ANKH: variants seen among roughly 807,000 people sequenced by gnomAD.
The protein encoded by ANKH is ANKH inorganic pyrophosphate transport regulator.
A neutral mutation model predicts 49.0 loss-of-function variants in ANKH; 15 were observed. The observed-to-expected ratio is 0.31, with a 90% CI of 0.20 to 0.47. The LOEUF (loss-of-function observed/expected upper bound fraction) is 0.47, where lower values mean the gene tolerates loss of function less well. ANKH is among the 20% of genes least tolerant of loss of function. The probability of loss-of-function intolerance (pLI) is 1.00; values close to 1 mark genes in which losing one functional copy is unlikely to be tolerated. For missense variants in ANKH, 429 were observed against 652.0 expected, an observed-to-expected ratio of 0.66 and a Z score of 3.72; for synonymous variants, 273 against 260.0, an observed-to-expected ratio of 1.05 and a Z score of -0.48.
At chr5:14,844,599 A>T (rs919239932) in intron 1 of ANKH, among the ~76,000 whole-genome samples, 17 of 152,224 alleles carry the variant, frequency 1.1e-4, no homozygotes, top group Non-Finnish European at 2.5e-4. Flanking sequence ...GCGGTCAGGG[A>T]GAACCTTCTA....
chr5:14,737,639 T>C lies in ANKH; in HGVS notation c.1011+4188A>G, dbSNP rs918898656. The stretch of plus-strand genomic sequence containing the variant: ...GGCGAGGCTGCGACGCAGTCTCCTT[T>C]GCGTGGCTGCAACCCTGCACGCTTC... On this transcript the variant is annotated intron_variant, in intron 8 of 11. Coordinates refer to ENST00000284268, the MANE Select transcript of ANKH (RefSeq NM_054027.6). The surrounding 1 kb of genome is among the most constrained non-coding windows in gnomAD (Gnocchi z 5.0). Among the ~76,000 whole-genome samples, 3 of 152,376 alleles carry C rather than the reference T, an allele frequency of 2.0e-5. No homozygotes were observed. Among genetic ancestry groups the C allele is most frequent in the South Asian group, 4.1e-4 (2 of 4,832 alleles).
intron 11 of ANKH, among the ~76,000 whole-genome samples, chr5:14,712,526 C>CT (rs2126400034): frequency 6.6e-6 from 1 of 152,376 alleles, no homozygotes; most frequent in East Asian, 1.9e-4. Context: ...TCACTGTCCC[C>CT]TCTCCCATCG....
At chr5:14,722,705 G>A (rs190099094) in intron 8 of ANKH, among the ~76,000 whole-genome samples, 1 of 152,120 alleles carries the variant, frequency 6.6e-6, no homozygotes, top group Non-Finnish European at 1.5e-5. Flanking sequence ...TGGCAGAGAA[G>A]GGACAAATGT....
intron 1 of ANKH, among the ~76,000 whole-genome samples, chr5:14,811,097 A>T (rs1172917844): frequency 6.6e-6 from 1 of 152,172 alleles, no homozygotes; most frequent in African/African-American, 2.4e-5. Context: ...CAGCCTCCTC[A>T]CTAAGTTAAC....
intron 1 of ANKH, among the ~76,000 whole-genome samples, chr5:14,779,026 C>T (rs891424984): frequency 1.1e-4 from 17 of 152,326 alleles, no homozygotes; most frequent in African/African-American, 3.8e-4. Flanking sequence ...AACCTCACCT[C>T]TTATCCATCT....
At chr5:14,816,563 G>A (rs111578110) in intron 1 of ANKH, among the ~76,000 whole-genome samples, 2 of 152,234 alleles carry the variant, frequency 1.3e-5, no homozygotes, top group Non-Finnish European at 2.9e-5. Flanking sequence ...TAAAAGCGAC[G>A]TAAAAGCCTC....
At chr5:14,789,618 ATTGT>A (rs747659614) in intron 1 of ANKH, among the ~76,000 whole-genome samples, 2 of 152,196 alleles carry the variant, frequency 1.3e-5, no homozygotes, top group African/African-American at 2.4e-5. Context: ...ATCTCCTAAA[ATTGT>A]TTGTTAACTT....
chr5:14,759,457 A>G (rs914226684), intron 2 of ANKH, among the ~76,000 whole-genome samples: 2 of 152,184 alleles, frequency 1.3e-5, no homozygotes, highest in East Asian at 1.9e-4. Flanking sequence ...TAGATTATAT[A>G]TAAAAATAAC....
chr5:14,723,842 C>A (rs970380022), intron 8 of ANKH, among the ~76,000 whole-genome samples: 2 of 152,174 alleles, frequency 1.3e-5, no homozygotes, highest in Non-Finnish European at 2.9e-5. Flanking sequence ...TCTGCATGAT[C>A]AAGGGGTAGA....
intron 8 of ANKH, among the ~76,000 whole-genome samples, chr5:14,731,268 C>G (rs1419206290): frequency 6.6e-6 from 1 of 152,042 alleles, no homozygotes; most frequent in African/African-American, 2.4e-5. Context: ...CTGGTGCACA[C>G]AAGTGTCATG....
At chr5:14,798,205 G>C (rs1263730328) in intron 1 of ANKH, 7 of 1,592,030 alleles carry the variant, frequency 4.4e-6, no homozygotes, top group Non-Finnish European at 4.3e-6. Context: ...CCCAGGACAA[G>C]TCGATGAAGG....
At chr5:14,851,479 C>T (rs1365336463) in intron 1 of ANKH, among the ~76,000 whole-genome samples, 1 of 152,214 alleles carries the variant, frequency 6.6e-6, no homozygotes, top group Non-Finnish European at 1.5e-5. Context: ...GATTGTGGAA[C>T]TATTGCATTT....
intron 11 of ANKH, 131 bp from the exon 12 acceptor site, chr5:14,711,441 G>A (rs1737200443): frequency 4.0e-6 from 3 of 756,070 alleles, no homozygotes; most frequent in Non-Finnish European, 6.9e-6. Context: ...TATGGTTGGG[G>A]TGGCGTCACC....
chr5:14,736,006 CTTTTTTTTTTTTTTTTTTT>C (rs540010631), intron 8 of ANKH, among the ~76,000 whole-genome samples: 3 of 83,664 alleles, frequency 3.6e-5, no homozygotes, highest in African/African-American at 1.2e-4. Context: ...AAAAACCTAA[CTTTTTTTTTTTTTTTTTTT>C]TTTTTTTTTT....
At chr5:14,733,608 C>T (rs1432515534) in intron 8 of ANKH, among the ~76,000 whole-genome samples, 1 of 152,220 alleles carries the variant, frequency 6.6e-6, no homozygotes, top group African/African-American at 2.4e-5. Flanking sequence ...AGATCCTCAT[C>T]GTGCTCATTT....
At chr5:14,795,890 T>C (rs1037106190) in intron 1 of ANKH, among the ~76,000 whole-genome samples, 1 of 151,516 alleles carries the variant, frequency 6.6e-6, no homozygotes, top group Non-Finnish European at 1.5e-5. Flanking sequence ...TAGCCCAACA[T>C]ATATAAAAGC....
chr5:14,864,850 C>A (rs1363012240), intron 1 of ANKH, among the ~76,000 whole-genome samples: 1 of 152,158 alleles, frequency 6.6e-6, no homozygotes, highest in African/African-American at 2.4e-5. Context: ...TTTTGTGAAA[C>A]ATACACACAT....
intron 6 of ANKH, among the ~76,000 whole-genome samples, chr5:14,748,955 C>T (rs879043555): frequency 5.9e-5 from 9 of 152,326 alleles, no homozygotes; most frequent in East Asian, 3.9e-4. Flanking sequence ...GAAGGATGTA[C>T]GACATGCATG....
At chr5:14,733,949 G>C (rs570551518) in intron 8 of ANKH, among the ~76,000 whole-genome samples, 1 of 152,304 alleles carries the variant, frequency 6.6e-6, no homozygotes, top group East Asian at 1.9e-4. Context: ...CTGAGACTAA[G>C]AAAACCAATT....
Sources: allele counts gnomAD v4.1 joint callset (sites outside exome capture counted in the v4.1 genomes callset), GRCh38; gene constraint gnomAD v4.1.1; non-coding constraint Gnocchi (gnomAD v3.1); transcripts MANE v1.5; gene names NCBI Gene and HGNC (gene_info 2026-07-23, HGNC 2026-07-21).